The following RBFOX1 variants were observed in gnomAD, a reference collection of about 807,000 sequenced individuals.
The protein encoded by RBFOX1 is RNA binding fox-1 homolog 1, also known as RNA binding protein fox-1 homolog 1.
In RBFOX1, 8 loss-of-function variants were observed where a neutral mutation model predicts 57.7. The ratio of observed to expected loss-of-function variants is 0.14; its 90% CI spans 0.08 to 0.25. The LOEUF is 0.25. Among genes scored for constraint, RBFOX1 ranks in the 10% least tolerant of loss-of-function variants. The pLI is 1.00. For missense variants in RBFOX1, 611 were observed against 548.5 expected (o/e 1.11, Z -1.14); for synonymous variants, 326 against 222.4 (o/e 1.47, Z -4.15).
At chr16:5,671,272 G>A (rs2050004790) in intron 3 of RBFOX1, among the ~76,000 whole-genome samples, 1 of 152,158 alleles carries the variant, frequency 6.6e-6, no homozygotes, top group Admixed American at 6.5e-5. Flanking sequence ...CACTAAATGC[G>A]GTTCTGAAAT....
chr16:7,604,393 C>T (rs1385995411), intron 9 of RBFOX1, among the ~76,000 whole-genome samples: 1 of 152,196 alleles, frequency 6.6e-6, no homozygotes, highest in Non-Finnish European at 1.5e-5. Context: ...CACACAGATT[C>T]CCAGCTGGTT....
intron 1 of RBFOX1, among the ~76,000 whole-genome samples, chr16:6,184,115 T>A (rs1384635531): frequency 6.6e-6 from 1 of 152,078 alleles, no homozygotes; most frequent in East Asian, 1.9e-4. Flanking sequence ...AACCATCCTA[T>A]CTCATGAGAG....
intron 3 of RBFOX1, among the ~76,000 whole-genome samples, chr16:6,830,218 A>C (rs2092606833): frequency 6.6e-6 from 1 of 152,206 alleles, no homozygotes; most frequent in African/African-American, 2.4e-5. Flanking sequence ...TGCCTGGCTG[A>C]ATGTATTTTC....
rs13329935 is a variant in RBFOX1, at chr16:6,833,303, C to G, written c.-16+178653C>G. 8.1e-3 allele frequency among the ~76,000 whole-genome samples: 1,238 copies of G among 152,120 alleles called. 17 individuals are homozygous for G. Among genetic ancestry groups the G allele is most frequent in the African/African-American group, 0.028 (1,171 of 41,510 alleles). ...GCCTCAGCCTCCTGAGTACCTGCGACTATAGGCTCCCAACACCATGCCTGG... is the reference window on the plus strand; with the variant it reads ...GCCTCAGCCTCCTGAGTACCTGCGAGTATAGGCTCCCAACACCATGCCTGG... On this transcript the variant is annotated intron_variant, in intron 3 of 15. Coordinates refer to ENST00000550418, the MANE Select transcript of RBFOX1 (RefSeq NM_018723.4).
At chr16:5,664,258 G>C (rs904378212) in intron 3 of RBFOX1, among the ~76,000 whole-genome samples, 4 of 152,200 alleles carry the variant, frequency 2.6e-5, no homozygotes, top group Non-Finnish European at 5.9e-5. Context: ...CTCTTTAAAA[G>C]TGGATTCCTG....
At chr16:5,248,181 A>G (rs1398939411) in intron 1 of RBFOX1, among the ~76,000 whole-genome samples, 12 of 152,242 alleles carry the variant, frequency 7.9e-5, no homozygotes, top group Admixed American at 7.2e-4. Flanking sequence ...AGATAAAAGA[A>G]TGGTTTCTGC....
chr16:5,392,124 C>T (rs189311849), intron 1 of RBFOX1, among the ~76,000 whole-genome samples: 57 of 151,812 alleles, frequency 3.8e-4, no homozygotes, highest in Admixed American at 1.6e-3. Context: ...ACTTTGGGGA[C>T]TCAGGGGGAA....
intron 11 of RBFOX1, among the ~76,000 whole-genome samples, chr16:7,649,610 T>C (rs1035445846): frequency 1.3e-5 from 2 of 152,190 alleles, no homozygotes; most frequent in Admixed American, 6.5e-5. Flanking sequence ...GACAGTGTTA[T>C]AGAAGGTGGA....
intron 4 of RBFOX1, among the ~76,000 whole-genome samples, chr16:5,927,488 A>G (rs1412752331): frequency 6.6e-6 from 1 of 152,220 alleles, no homozygotes; most frequent in African/African-American, 2.4e-5. Context: ...ACGCTTGTAC[A>G]CTGCTAGTGG....
intron 2 of RBFOX1, among the ~76,000 whole-genome samples, chr16:6,487,413 T>G (rs1189368566): frequency 3.9e-5 from 6 of 152,026 alleles, no homozygotes; most frequent in Admixed American, 3.9e-4. Flanking sequence ...TTGCTTATGA[T>G]GTCTGAATAC....
intron 13 of RBFOX1, among the ~76,000 whole-genome samples, chr16:7,667,166 C>T (rs916170302): frequency 2.0e-5 from 3 of 152,166 alleles, no homozygotes; most frequent in Non-Finnish European, 4.4e-5. Context: ...CTGTCTCTAA[C>T]AGTCTCTGGA....
chr16:6,899,384 C>T (rs1026451233), intron 3 of RBFOX1, among the ~76,000 whole-genome samples: 4 of 152,076 alleles, frequency 2.6e-5, no homozygotes, highest in Non-Finnish European at 5.9e-5. Context: ...GCATTAAGGC[C>T]CTCTTGGCTC....
At chr16:6,652,293 A>G (rs1330928390) in intron 2 of RBFOX1, among the ~76,000 whole-genome samples, 1 of 152,102 alleles carries the variant, frequency 6.6e-6, no homozygotes, top group Non-Finnish European at 1.5e-5. Context: ...TACTAAAAAT[A>G]CAAAATTAGT....
chr16:7,674,483 G>A (rs142139726), intron 13 of RBFOX1, among the ~76,000 whole-genome samples: 1 of 152,246 alleles, frequency 6.6e-6, no homozygotes, highest in African/African-American at 2.4e-5. Context: ...CACTGATCAA[G>A]GTTTAAAATC....
At chr16:7,145,105 A>T (rs371209690) in intron 4 of RBFOX1, among the ~76,000 whole-genome samples, 1 of 152,200 alleles carries the variant, frequency 6.6e-6, no homozygotes, top group East Asian at 1.9e-4. Flanking sequence ...CCCTTTCCAG[A>T]CATAAGCACC....
At chr16:7,564,171 G>C (rs1384217948) in intron 5 of RBFOX1, among the ~76,000 whole-genome samples, 1 of 152,084 alleles carries the variant, frequency 6.6e-6, no homozygotes, top group Non-Finnish European at 1.5e-5. Context: ...CGAGAGTAGA[G>C]CCCGATGAGA....
intron 4 of RBFOX1, among the ~76,000 whole-genome samples, chr16:7,452,499 T>G (rs890865637): frequency 1.3e-5 from 2 of 152,178 alleles, no homozygotes; most frequent in African/African-American, 4.8e-5. Context: ...GTACCTTTTC[T>G]CTCTTATCAG....
chr16:6,826,455 A>G (rs2092149532), intron 3 of RBFOX1, among the ~76,000 whole-genome samples: 1 of 152,120 alleles, frequency 6.6e-6, no homozygotes, highest in Non-Finnish European at 1.5e-5. Context: ...ATGGGTTGTT[A>G]AGAGGCTTAG....
chr16:6,931,597 C>G (rs887420178), intron 3 of RBFOX1, among the ~76,000 whole-genome samples: 2 of 152,062 alleles, frequency 1.3e-5, no homozygotes, highest in Admixed American at 1.3e-4. Context: ...ACAACATATC[C>G]CACCCCACAA....
Sources: gnomAD v4.1 joint callset for allele counts (sites outside exome capture counted in the v4.1 genomes callset) on GRCh38, gnomAD v4.1.1 for gene constraint, MANE v1.5 for transcripts, NCBI Gene and HGNC (gene_info 2026-07-23, HGNC 2026-07-21) for gene names.